The following SLC24A2 variants were observed in gnomAD, a reference collection of about 807,000 sequenced individuals.
SLC24A2 encodes sodium/potassium/calcium exchanger 2.
In SLC24A2, 36 loss-of-function variants were observed where a neutral mutation model predicts 62.0. That is an observed-to-expected ratio of 0.58 (90% CI 0.44 to 0.77). The LOEUF is 0.77. Ranked by LOEUF, SLC24A2 falls within the 30% of genes least tolerant of loss-of-function variation. The pLI, the probability that SLC24A2 is intolerant of heterozygous loss-of-function variation, is 0.00. For synonymous variants in SLC24A2, 358 were observed against 294.0 expected (o/e 1.22, Z -2.23); for missense variants, 846 against 817.9 (o/e 1.03, Z -0.42).
the SLC24A2 span, among the ~76,000 whole-genome samples, chr9:20,024,239 A>T: frequency 6.6e-5 from 10 of 152,196 alleles, no homozygotes; most frequent in African/African-American, 2.2e-4. Context: ...GATTTGGTTG[A>T]AAATCTTGGG....
chr9:19,992,808 AC>A, the SLC24A2 span, among the ~76,000 whole-genome samples: 4 of 152,150 alleles, frequency 2.6e-5, no homozygotes, highest in Non-Finnish European at 1.5e-5. Flanking sequence ...TGTACTTGTG[AC>A]CTTAAATAAC....
At chr9:20,008,580 G>A in the SLC24A2 span, among the ~76,000 whole-genome samples, 1 of 152,074 alleles carries the variant, frequency 6.6e-6, no homozygotes, top group Non-Finnish European at 1.5e-5. Context: ...TTCCTGTACT[G>A]GTGCCCTGGA....
the SLC24A2 span, among the ~76,000 whole-genome samples, chr9:20,241,982 C>T: frequency 6.6e-6 from 1 of 152,154 alleles, no homozygotes; most frequent in Non-Finnish European, 1.5e-5. Context: ...CCTCTAGAAT[C>T]TTCTTGAAAT....
At chr9:20,134,595 T>G in the SLC24A2 span, among the ~76,000 whole-genome samples, 1 of 152,172 alleles carries the variant, frequency 6.6e-6, no homozygotes, top group African/African-American at 2.4e-5. Context: ...TGAGAGCAAC[T>G]GAAGATGTAA....
chr9:19,516,874 C>CT (rs764345432), intron 10 of SLC24A2, among the ~76,000 whole-genome samples: 22 of 152,012 alleles, frequency 1.4e-4, no homozygotes, highest in Non-Finnish European at 5.9e-5. Flanking sequence ...ACTTAATAGT[C>CT]TAAAGGCAAG....
chr9:19,631,027 C>A (rs1196819582), intron 2 of SLC24A2, among the ~76,000 whole-genome samples: 1 of 152,144 alleles, frequency 6.6e-6, no homozygotes, highest in Non-Finnish European at 1.5e-5. Flanking sequence ...CCCCTCCTCC[C>A]CACTTCCTCC....
the SLC24A2 span, among the ~76,000 whole-genome samples, chr9:19,982,631 T>A: frequency 6.6e-6 from 1 of 152,112 alleles, no homozygotes; most frequent in South Asian, 2.1e-4. Context: ...TACCAATCAT[T>A]CTCAAATGCG....
chr9:19,612,046 C>A (rs1450792776), intron 4 of SLC24A2, among the ~76,000 whole-genome samples: 1 of 152,164 alleles, frequency 6.6e-6, no homozygotes, highest in Non-Finnish European at 1.5e-5. Context: ...CACTTGGGGT[C>A]TCAGTTTCTT....
At position 19,599,162 on chromosome 9, in the gene SLC24A2, C is replaced by G. The variant is rs1223062121; in HGVS notation, c.1079-1883G>C. Among the ~76,000 whole-genome samples, 2 of 152,194 alleles carry G rather than the reference C, an allele frequency of 1.3e-5. No individual in the cohort carries two copies. Among genetic ancestry groups the G allele is most frequent in the Non-Finnish European group, 2.9e-5 (2 of 68,048 alleles). ...GATGATATTACTCCTCACCTCATCT[C>G]TTGCAGAATCAGGTATAAATAAATA... On this transcript the variant is annotated intron_variant, in intron 4 of 10. Transcript: ENST00000341998. The surrounding 1 kb of genome is among the most constrained non-coding windows in gnomAD (Gnocchi z 4.5).
At chr9:19,642,450 C>G (rs2118087930) in intron 2 of SLC24A2, among the ~76,000 whole-genome samples, 1 of 152,238 alleles carries the variant, frequency 6.6e-6, no homozygotes, top group South Asian at 2.1e-4. Context: ...ATGGCCTACA[C>G]AGGGCTGACA....
the SLC24A2 span, among the ~76,000 whole-genome samples, chr9:20,145,997 G>C: frequency 6.6e-6 from 1 of 151,862 alleles, no homozygotes; most frequent in South Asian, 2.1e-4. Context: ...GCATAGTATG[G>C]CATTAAATAA....
rs1427488842 is a variant in SLC24A2, at chr9:19,514,113, T to A, written c.*2040A>T. 1.3e-5 allele frequency: 2 copies of A among 152,162 alleles called. No individual in the cohort carries two copies. 9.4% of individuals were successfully genotyped at this position (152,162 alleles called of 1,614,324 possible). On this transcript the variant is annotated 3_prime_UTR_variant, in exon 11 of 11. Transcript: ENST00000341998. ...TTCCCAGGGGGCCTCGGGTTTGAAG[T>A]GCTTTTTACTTCTGGGTGAAGAGGA...
chr9:19,555,907 T>C (rs1835065931), intron 7 of SLC24A2, among the ~76,000 whole-genome samples: 1 of 152,136 alleles, frequency 6.6e-6, no homozygotes, highest in African/African-American at 2.4e-5. Context: ...ATCTTGCCAC[T>C]GCACTCTAGC....
the SLC24A2 span, among the ~76,000 whole-genome samples, chr9:20,051,657 C>CTTTTTTTTTTTTT: frequency 0.014 from 1,023 of 73,402 alleles, 92 homozygotes; most frequent in African/African-American, 0.024. Context: ...TTTTCTTTCT[C>CTTTTTTTTTTTTT]TTTTTTTTTT....
At chr9:20,084,175 A>G in the SLC24A2 span, among the ~76,000 whole-genome samples, 2 of 152,224 alleles carry the variant, frequency 1.3e-5, no homozygotes, top group African/African-American at 4.8e-5. Context: ...TTGCCAAGTT[A>G]AACTGGTGAG....
At chr9:19,523,365 C>G (rs775104776) in intron 9 of SLC24A2, among the ~76,000 whole-genome samples, 2 of 152,144 alleles carry the variant, frequency 1.3e-5, no homozygotes, top group African/African-American at 4.8e-5. Context: ...AGGATAATAT[C>G]CACTCAGAAT....
rs190413133 is a variant in SLC24A2, at chr9:19,589,287, T to G, written c.1129+7942A>C. 3.0e-3 allele frequency among the ~76,000 whole-genome samples: 450 copies of G among 152,302 alleles called. 4 individuals carry two copies. Among genetic ancestry groups the G allele is most frequent in the African/African-American group, 0.01 (436 of 41,566 alleles). On this transcript the variant is annotated intron_variant, in intron 5 of 10. Coordinates refer to ENST00000341998, the MANE Select transcript of SLC24A2 (RefSeq NM_020344.4). ...AGCCATGCAGTGAAATACTAAGCAGTTGTTAAAATGAACGAAGAAAGTCTA... is the reference window on the plus strand; with the variant it reads ...AGCCATGCAGTGAAATACTAAGCAGGTGTTAAAATGAACGAAGAAAGTCTA...
At chr9:19,731,649 C>G (rs553155146) in intron 2 of SLC24A2, among the ~76,000 whole-genome samples, 97 of 152,288 alleles carry the variant, frequency 6.4e-4, no homozygotes, top group African/African-American at 2.3e-3. Flanking sequence ...GGACTTCCAG[C>G]CTCCAGTACT....
intron 2 of SLC24A2, chr9:19,705,654 T>A (rs905842060): frequency 4.6e-6 from 1 of 216,936 alleles, no homozygotes; most frequent in African/African-American, 2.3e-5. Context: ...TGAAGGACCT[T>A]TGAACATCTT....
Sources: allele counts gnomAD v4.1 joint callset (sites outside exome capture counted in the v4.1 genomes callset), GRCh38; gene constraint gnomAD v4.1.1; non-coding constraint Gnocchi (gnomAD v3.1); transcripts MANE v1.5; gene names NCBI Gene and HGNC (gene_info 2026-07-23, HGNC 2026-07-21).